The following CAST variants were observed in gnomAD, a reference collection of about 807,000 sequenced individuals.
CAST encodes calpastatin.
Under a neutral mutation model 119.6 loss-of-function variants are expected in CAST, and 76 were observed. The ratio of observed to expected loss-of-function variants is 0.64; its 90% confidence interval spans 0.53 to 0.77. CAST has a LOEUF of 0.77. Ranked by LOEUF, CAST falls within the 30% of genes least tolerant of loss-of-function variation. CAST has a pLI of 0.00. For missense variants in CAST, 953 were observed against 946.5 expected, an observed-to-expected ratio of 1.01 and a Z score of -0.09; for synonymous variants, 319 against 331.6, an observed-to-expected ratio of 0.96 and a Z score of 0.41.
chr5:96,663,451 G>T (rs1199672699), intron 1 of CAST, among the ~76,000 whole-genome samples: 3 of 152,262 alleles, frequency 2.0e-5, no homozygotes, highest in African/African-American at 7.2e-5. Flanking sequence ...TCACAAGTGG[G>T]ATGGAACTGG....
the CAST span, among the ~76,000 whole-genome samples, chr5:96,109,020 G>A: frequency 1.3e-5 from 2 of 152,252 alleles, no homozygotes; most frequent in East Asian, 1.9e-4. Context: ...TCTTTGACTA[G>A]GAAAGGGAAC....
the CAST span, among the ~76,000 whole-genome samples, chr5:96,191,727 A>G: frequency 6.6e-6 from 1 of 151,928 alleles, no homozygotes; most frequent in African/African-American, 2.4e-5. Context: ...ACGCCACCAC[A>G]CCCAGCTAAT....
intron 28 of CAST, 109 bp from the exon 29 acceptor site, chr5:96,767,797 GT>G (rs1770549823): frequency 5.8e-6 from 4 of 688,526 alleles, no homozygotes; most frequent in South Asian, 3.5e-5. Context: ...ATGTCAGTCA[GT>G]TTTTTTCTTA....
the CAST span, among the ~76,000 whole-genome samples, chr5:96,316,025 C>G: frequency 1.1e-4 from 16 of 152,234 alleles, no homozygotes; most frequent in East Asian, 2.7e-3. Flanking sequence ...AAAACAAAAC[C>G]CACCCAGCTG....
chr5:96,704,905 A>G (rs1340420613), intron 3 of CAST, among the ~76,000 whole-genome samples: 3 of 152,252 alleles, frequency 2.0e-5, no homozygotes, highest in African/African-American at 4.8e-5. Flanking sequence ...TTGGGTGACA[A>G]TTCTGAATTA....
At chr5:96,534,751 A>AAAGAGAG (rs1554066272) in intron 1 of CAST, among the ~76,000 whole-genome samples, 1 of 24,300 alleles carries the variant, frequency 4.1e-5, no homozygotes, top group African/African-American at 1.3e-4. Flanking sequence ...GAAAGAAAGA[A>AAAGAGAG]AGAAAGAAAG....
the CAST span, among the ~76,000 whole-genome samples, chr5:95,981,646 C>T: frequency 2.5e-4 from 38 of 152,224 alleles, no homozygotes; most frequent in Non-Finnish European, 4.3e-4. Flanking sequence ...CAGGCCGAGG[C>T]GGGCGGATCA....
the CAST span, among the ~76,000 whole-genome samples, chr5:96,040,661 G>A: frequency 6.6e-6 from 1 of 152,086 alleles, no homozygotes; most frequent in Non-Finnish European, 1.5e-5. Context: ...TTCTGTTTAT[G>A]TGATGGATTA....
At chr5:96,681,416 C>A (rs183357394) in intron 2 of CAST, among the ~76,000 whole-genome samples, 4 of 152,134 alleles carry the variant, frequency 2.6e-5, no homozygotes, top group Admixed American at 2.6e-4. Context: ...AGATTTTTTT[C>A]TTTTGTTCTT....
chr5:96,729,337 G>A (rs1430655731), intron 7 of CAST, 128 bp downstream of exon 7: 12 of 635,860 alleles, frequency 1.9e-5, no homozygotes, highest in Non-Finnish European at 3.4e-5. Context: ...CAGCTAAAAT[G>A]GTGCCATCCT....
chr5:96,712,448 A>T (rs766057374), intron 3 of CAST, among the ~76,000 whole-genome samples: 3 of 151,998 alleles, frequency 2.0e-5, no homozygotes, highest in South Asian at 2.1e-4. Flanking sequence ...TTCCCATCTC[A>T]GCCTCCTGAG....
the CAST span, among the ~76,000 whole-genome samples, chr5:96,002,023 G>A: frequency 6.6e-6 from 1 of 152,126 alleles, no homozygotes. Flanking sequence ...GGCAGTCTAG[G>A]GCTGCTTATA....
At chr5:96,285,187 G>A in the CAST span, among the ~76,000 whole-genome samples, 2 of 152,098 alleles carry the variant, frequency 1.3e-5, no homozygotes, top group Non-Finnish European at 2.9e-5. Flanking sequence ...ATCGTTCCAG[G>A]TACTGGGGAT....
At chr5:96,438,183 C>T in the CAST span, among the ~76,000 whole-genome samples, 1 of 151,534 alleles carries the variant, frequency 6.6e-6, no homozygotes, top group Non-Finnish European at 1.5e-5. Flanking sequence ...TATAGTTGGC[C>T]AACTAAAAAA....
chr5:96,611,289 C>G (rs2150196270), intron 1 of CAST, among the ~76,000 whole-genome samples: 1 of 152,116 alleles, frequency 6.6e-6, no homozygotes, highest in South Asian at 2.1e-4. Flanking sequence ...AATGCAGAAC[C>G]CAGAAACAGA....
chr5:96,518,156 A>G, the CAST span, among the ~76,000 whole-genome samples: 2 of 150,156 alleles, frequency 1.3e-5, no homozygotes, highest in African/African-American at 5.1e-5. Context: ...AATTTGGGAG[A>G]AAAAAACATA....
At chr5:96,155,535 A>G in the CAST span, among the ~76,000 whole-genome samples, 1 of 152,142 alleles carries the variant, frequency 6.6e-6, no homozygotes, top group Admixed American at 6.5e-5. Flanking sequence ...AAACTCTTAC[A>G]TTGGTATTAG....
upstream of CAST, among the ~76,000 whole-genome samples, chr5:96,525,033 T>G (rs1201342677): frequency 6.6e-6 from 1 of 152,214 alleles, no homozygotes; most frequent in Admixed American, 6.5e-5. Context: ...TCTTCATGTG[T>G]TCTGTTTTTC....
At chr5:96,195,971 A>T in the CAST span, among the ~76,000 whole-genome samples, 1 of 152,196 alleles carries the variant, frequency 6.6e-6, no homozygotes, top group Non-Finnish European at 1.5e-5. Flanking sequence ...TACATTCAAT[A>T]GTTAGAGTGA....
Sources: gnomAD v4.1 joint callset for allele counts (sites outside exome capture counted in the v4.1 genomes callset) on GRCh38, gnomAD v4.1.1 for gene constraint, MANE v1.5 for transcripts, NCBI Gene and HGNC (gene_info 2026-07-23, HGNC 2026-07-21) for gene names.